The following CDH4 variants were observed in gnomAD, a reference collection of about 807,000 sequenced individuals.
The protein encoded by CDH4 is cadherin-4.
In CDH4, 33 loss-of-function variants were observed where a neutral mutation model predicts 86.0. That is an observed-to-expected ratio of 0.38 (90% CI 0.29 to 0.51). CDH4 has a LOEUF of 0.51. Among genes scored for constraint, CDH4 ranks in the 20% least tolerant of loss-of-function variants. CDH4 has a pLI of 0.86. For synonymous variants in CDH4, 555 were observed against 549.4 expected, an observed-to-expected ratio of 1.01 and a Z score of -0.14; for missense variants, 1,114 against 1,307.4, an observed-to-expected ratio of 0.85 and a Z score of 2.28.
chr20:61,264,624 C>T (rs1226542653), intron 2 of CDH4, among the ~76,000 whole-genome samples: 1 of 149,670 alleles, frequency 6.7e-6, no homozygotes, highest in Non-Finnish European at 1.5e-5. Context: ...CTACACATAT[C>T]TCAGTGGTTC....
intron 2 of CDH4, among the ~76,000 whole-genome samples, chr20:61,652,930 A>ATTTTTTTTTTTTTTT (rs1200927520): frequency 1.0e-4 from 11 of 108,096 alleles, no homozygotes; most frequent in Non-Finnish European, 1.5e-4. Flanking sequence ...TTATTTATTT[A>ATTTTTTTTTTTTTTT]TTTATTTATT....
chr20:61,816,479 T>A (rs1282999284), intron 4 of CDH4, among the ~76,000 whole-genome samples: 1 of 152,238 alleles, frequency 6.6e-6, no homozygotes, highest in Non-Finnish European at 1.5e-5. Context: ...CTATTATATA[T>A]GTGCAAACTG....
intron 13 of CDH4, among the ~76,000 whole-genome samples, chr20:61,930,819 T>G (rs1260626906): frequency 1.3e-5 from 2 of 151,852 alleles, no homozygotes; most frequent in Non-Finnish European, 2.9e-5. Context: ...GGTTGGGAGG[T>G]GTCTCTGTAG....
At chr20:61,695,790 C>T (rs934587732) in intron 2 of CDH4, among the ~76,000 whole-genome samples, 1 of 152,234 alleles carries the variant, frequency 6.6e-6, no homozygotes, top group Non-Finnish European at 1.5e-5. Context: ...TTTGCACCAA[C>T]CTCCTTCGTC....
intron 2 of CDH4, among the ~76,000 whole-genome samples, chr20:61,312,120 A>G (rs1209902497): frequency 9.6e-5 from 1 of 10,412 alleles, no homozygotes; most frequent in Non-Finnish European, 7.4e-4. Flanking sequence ...TGGTGTGTGC[A>G]TGTGGGTGGT....
chr20:61,861,135 A>G (rs1388477146), intron 6 of CDH4, among the ~76,000 whole-genome samples: 2 of 152,134 alleles, frequency 1.3e-5, no homozygotes, highest in East Asian at 1.9e-4. Flanking sequence ...ACCGCACTGG[A>G]CGTGGGCTCC....
intron 2 of CDH4, among the ~76,000 whole-genome samples, chr20:61,619,831 G>A (rs991718531): frequency 1.4e-4 from 22 of 152,266 alleles, no homozygotes; most frequent in African/African-American, 3.9e-4. Flanking sequence ...TCACTTGTCA[G>A]AGTTTGCAGC....
intron 2 of CDH4, among the ~76,000 whole-genome samples, chr20:61,450,433 G>C (rs933625944): frequency 5.3e-5 from 8 of 152,112 alleles, no homozygotes; most frequent in Non-Finnish European, 8.8e-5. Context: ...ACAGCAGTGG[G>C]GGCTGAGATG....
At position 61,773,112 on chromosome 20, in the gene CDH4, G is replaced by A. The variant is rs775323311; in HGVS notation, c.506G>A (p.Arg169Gln). 2.5e-6 allele frequency: 4 copies of A among 1,611,416 alleles called. 1 individual carries two copies. Among genetic ancestry groups the A allele is most frequent in the South Asian group, 2.2e-5 (2 of 90,516 alleles). The change falls in exon 4 of 16, where the codon CGG becomes CAG. Residue 169 changes from arginine (R) to glutamine (Q), a missense_variant. Transcript: ENST00000614565. ...GCCAACGGGCTGAGGCGGCGCAAAC[G>A]GGACTGGGTCATCCCGCCCATCAAC... ...QNANGLRRRKRDWVIPPINVP... is the reference protein window; with the variant it reads ...QNANGLRRRKQDWVIPPINVP...
chr20:61,333,276 C>T (rs2084594938), intron 2 of CDH4, among the ~76,000 whole-genome samples: 1 of 152,122 alleles, frequency 6.6e-6, no homozygotes. Context: ...CACACACACA[C>T]ACACACACAC....
Position 61,518,287 on chromosome 20 carries a change from G to A in CDH4, c.170-225276G>A, listed in dbSNP as rs974361622. ...GGTATAATTCCCACTATAAAGTGGAGGACTCCCAGGTGCAGAGATGGGCTC... is the reference window on the plus strand; with the variant it reads ...GGTATAATTCCCACTATAAAGTGGAAGACTCCCAGGTGCAGAGATGGGCTC... On this transcript the variant is annotated intron_variant, in intron 2 of 15. Coordinates refer to ENST00000614565, the MANE Select transcript of CDH4 (RefSeq NM_001794.5). This position sits in a 1 kb window ranked among gnomAD's most constrained non-coding sequence, Gnocchi z 6.3. 2.6e-5 allele frequency among the ~76,000 whole-genome samples: 4 copies of A among 152,128 alleles called. No homozygotes were observed. The highest frequency in any genetic ancestry group is 6.5e-5 in the Admixed American group (1 of 15,286).
intron 2 of CDH4, among the ~76,000 whole-genome samples, chr20:61,561,986 G>A (rs1309470536): frequency 2.7e-5 from 4 of 150,640 alleles, no homozygotes; most frequent in Non-Finnish European, 5.9e-5. Context: ...AGGGACCTTC[G>A]TGTGGAGAGG....
Position 61,885,316 on chromosome 20 carries a change from C to T in CDH4, c.1051-9594C>T, listed in dbSNP as rs181860797. ...CTCCTCGACTCCCTTACCCCCAGCT[C>T]CCCCAGCCCCTGGCAGCCCCAAATC... On this transcript the variant is annotated intron_variant, in intron 7 of 15. Coordinates refer to ENST00000614565, the MANE Select transcript of CDH4 (RefSeq NM_001794.5). 9.2e-5 allele frequency among the ~76,000 whole-genome samples: 14 copies of T among 152,288 alleles called. No individual in the cohort carries two copies. The East Asian group carries it at 1.7e-3, about 19-fold the overall frequency.
At chr20:61,304,535 G>A (rs1600850831) in intron 2 of CDH4, among the ~76,000 whole-genome samples, 1 of 152,058 alleles carries the variant, frequency 6.6e-6, no homozygotes, top group East Asian at 1.9e-4. Flanking sequence ...TGTATATGGT[G>A]CATATGCTGT....
At chr20:61,701,278 C>T (rs1448360193) in intron 2 of CDH4, among the ~76,000 whole-genome samples, 1 of 152,226 alleles carries the variant, frequency 6.6e-6, no homozygotes, top group Non-Finnish European at 1.5e-5. Flanking sequence ...TGCCATGACC[C>T]CATTTCCAAA....
chr20:61,552,607 G>A (rs1347448888), intron 2 of CDH4, among the ~76,000 whole-genome samples: 1 of 152,184 alleles, frequency 6.6e-6, no homozygotes, highest in Non-Finnish European at 1.5e-5. Context: ...GGCTGAGGCA[G>A]GAGAATCACA....
intron 3 of CDH4, among the ~76,000 whole-genome samples, chr20:61,758,502 A>G (rs572195254): frequency 6.6e-4 from 100 of 152,252 alleles, no homozygotes; most frequent in African/African-American, 2.3e-3. Flanking sequence ...ACGAGGAGTT[A>G]GGGGCAGAGG....
chr20:61,920,261 G>T (rs2054960627), intron 9 of CDH4, among the ~76,000 whole-genome samples: 1 of 135,322 alleles, frequency 7.4e-6, no homozygotes, highest in South Asian at 2.5e-4. Context: ...CACAGTGATT[G>T]CATGGAAGCG....
chr20:61,776,625 A>C (rs2088845856), intron 4 of CDH4, among the ~76,000 whole-genome samples: 1 of 152,200 alleles, frequency 6.6e-6, no homozygotes, highest in African/African-American at 2.4e-5. Flanking sequence ...GGAGGCAGTG[A>C]GGTGGGTGCG....
Sources: gnomAD v4.1 joint callset for allele counts (sites outside exome capture counted in the v4.1 genomes callset) on GRCh38, gnomAD v4.1.1 for gene constraint, Gnocchi (gnomAD v3.1) non-coding constraint, MANE v1.5 for transcripts, NCBI Gene and HGNC (gene_info 2026-07-23, HGNC 2026-07-21) for gene names.